Variants in EFCAB5 observed in about 807,000 individuals in gnomAD.
EFCAB5 encodes the protein EF-hand calcium-binding domain-containing protein 5.
EFCAB5 carries 131 observed loss-of-function variants against 167.9 expected under a neutral mutation model. That is an observed-to-expected ratio of 0.78 (90% CI 0.68 to 0.90). The LOEUF is 0.90. Ranked by LOEUF, EFCAB5 falls within the 40% of genes least tolerant of loss-of-function variation. EFCAB5 has a pLI of 0.00. For synonymous variants in EFCAB5, 574 were observed against 602.8 expected, an observed-to-expected ratio of 0.95 and a Z score of 0.70; for missense variants, 1,663 against 1,745.2, an observed-to-expected ratio of 0.95 and a Z score of 0.84.
At position 30,083,973 on chromosome 17, in the gene EFCAB5, T is replaced by C. The variant is rs1381461330; in HGVS notation, c.3579+930T>C. ...CTGTTTGCTTTGCTTCTTTATACTT[T>C]GTGTTAGGATTTTGCATATGATGAG... On this transcript the variant is annotated intron_variant, in intron 18 of 22. Coordinates refer to ENST00000394835, the MANE Select transcript of EFCAB5 (RefSeq NM_198529.4). Among the ~76,000 whole-genome samples the C allele has an allele frequency of 3.9e-5, 6 of 152,176 alleles. No homozygotes were observed. In the East Asian group the frequency reaches 9.6e-4, roughly 24 times the overall value.
At chr17:30,003,963 A>G (rs1192829429) in intron 7 of EFCAB5, among the ~76,000 whole-genome samples, 1 of 152,240 alleles carries the variant, frequency 6.6e-6, no homozygotes, top group Non-Finnish European at 1.5e-5. Flanking sequence ...AACTAGGGAA[A>G]TGAGGCATGC....
At position 30,090,640 on chromosome 17, in the gene EFCAB5, G is replaced by A. The variant is rs764994901; in HGVS notation, c.3903G>A (p.Glu1301=). Residue 1301 remains glutamate (E), a synonymous_variant, in exon 20 of 23, where the codon GAG becomes GAA. Coordinates refer to ENST00000394835, the MANE Select transcript of EFCAB5 (RefSeq NM_198529.4). ...VQVACYEILG[E]FSGEIKKKYI... is the part of the protein sequence containing the mutation. ...TGGCCTGCTATGAAATACTTGGCGA[G>A]TTCTCTGGAGAGATAAAGAAAAAAT... 3 of 1,613,242 alleles carry A rather than the reference G, an allele frequency of 1.9e-6. No individual in the cohort carries two copies. The highest frequency in any genetic ancestry group is 2.5e-6 in the Non-Finnish European group (3 of 1,179,730).
At chr17:30,040,860 T>C (rs1363557198) in intron 8 of EFCAB5, among the ~76,000 whole-genome samples, 14 of 152,246 alleles carry the variant, frequency 9.2e-5, no homozygotes, top group Non-Finnish European at 1.5e-5. Flanking sequence ...AGGTCTTAGC[T>C]CATAGCTTAT....
At chr17:30,102,607 G>A (rs1030962328) in intron 22 of EFCAB5, among the ~76,000 whole-genome samples, 5 of 151,732 alleles carry the variant, frequency 3.3e-5, no homozygotes, top group African/African-American at 9.7e-5. Context: ...AATTTCAGAC[G>A]TAGCAAAATT....
chr17:29,956,010 CA>C (rs1366506319), intron 3 of EFCAB5, among the ~76,000 whole-genome samples: 1 of 152,058 alleles, frequency 6.6e-6, no homozygotes, highest in African/African-American at 2.4e-5. Flanking sequence ...GAAATAAGGC[CA>C]CACACCTACA....
chr17:30,013,623 G>C (rs2068960066), intron 7 of EFCAB5, among the ~76,000 whole-genome samples: 1 of 152,174 alleles, frequency 6.6e-6, no homozygotes. Flanking sequence ...ATGGTAGTCT[G>C]TATTTCTGTG....
intron 7 of EFCAB5, among the ~76,000 whole-genome samples, chr17:30,026,902 ATCT>A (rs1165453144): frequency 1.4e-5 from 2 of 141,426 alleles, no homozygotes; most frequent in South Asian, 2.3e-4. Flanking sequence ...AGAAAATTTC[ATCT>A]TCTGCTTTTA....
upstream of EFCAB5, among the ~76,000 whole-genome samples, chr17:29,939,566 T>C (rs1006869576): frequency 2.0e-5 from 3 of 152,254 alleles, no homozygotes; most frequent in Non-Finnish European, 4.4e-5. Flanking sequence ...GCCACCTTCA[T>C]TGACGATCTT....
intron 14 of EFCAB5, chr17:30,068,596 A>T: frequency 7.8e-7 from 1 of 1,275,038 alleles, no homozygotes; most frequent in Non-Finnish European, 1.1e-6. Flanking sequence ...TGACATGGGC[A>T]GGTCCCTTGT....
chr17:29,996,447 A>G, intron 6 of EFCAB5, 87 bp downstream of exon 6: 1 of 1,170,120 alleles, frequency 8.5e-7, no homozygotes, highest in Admixed American at 2.4e-5. Flanking sequence ...TCAACATGAG[A>G]CAGATGTTAT....
intron 7 of EFCAB5, among the ~76,000 whole-genome samples, chr17:30,016,636 A>T (rs2069048779): frequency 6.6e-6 from 1 of 152,176 alleles, no homozygotes. Flanking sequence ...ATAAGTTCCA[A>T]AAGGTAGAAA....
rs910326377 is a variant in EFCAB5, at chr17:30,034,176, C to T, written c.1045-54C>T. 2.5e-6 allele frequency: 4 copies of T among 1,575,198 alleles called. No individual in the cohort carries two copies. The Admixed American group carries it at 7.1e-5, about 28-fold the overall frequency. ...CATTGGTTGAATCCTGGGGAAAATCCAAGTAGAGCATGGTTTTAAGTCAAT... is the reference window on the plus strand; with the variant it reads ...CATTGGTTGAATCCTGGGGAAAATCTAAGTAGAGCATGGTTTTAAGTCAAT... On this transcript the variant is annotated intron_variant, in intron 7 of 22. Transcript: ENST00000394835.
rs190007784 is a variant in EFCAB5, at chr17:30,064,219, T to A, written c.2737+4518T>A. On this transcript the variant is annotated intron_variant, in intron 14 of 22. Transcript: ENST00000394835. ...GGAAAGGAATTTAAAATAATGATCT[T>A]AAGGAAACTCAACAAGACAAGAAAA... 8.9e-4 allele frequency among the ~76,000 whole-genome samples: 135 copies of A among 152,268 alleles called. 1 individual carries two copies. Among genetic ancestry groups the A allele is most frequent in the African/African-American group, 2.9e-3 (121 of 41,550 alleles).
chr17:30,016,846 A>G (rs2069054033), intron 7 of EFCAB5, among the ~76,000 whole-genome samples: 1 of 152,166 alleles, frequency 6.6e-6, no homozygotes, highest in African/African-American at 2.4e-5. Flanking sequence ...TAAATGAGAT[A>G]GGATGAGGAA....
At chr17:29,946,135 G>GA (rs2067392093) in intron 3 of EFCAB5, among the ~76,000 whole-genome samples, 1 of 151,788 alleles carries the variant, frequency 6.6e-6, no homozygotes, top group South Asian at 2.1e-4. Context: ...TCAGCAAGAA[G>GA]AAAAAAATAA....
At chr17:29,933,918 G>C (rs1240695790) in intron 1 of EFCAB5, among the ~76,000 whole-genome samples, 1 of 152,016 alleles carries the variant, frequency 6.6e-6, no homozygotes, top group African/African-American at 2.4e-5. Context: ...CAGCACACTG[G>C]GATAAATTAA....
intron 4 of EFCAB5, among the ~76,000 whole-genome samples, chr17:29,990,283 T>C (rs1419091733): frequency 6.6e-6 from 1 of 152,206 alleles, no homozygotes; most frequent in African/African-American, 2.4e-5. Context: ...TTTAAATTTC[T>C]TTCTCTGAAT....
Position 29,999,974 on chromosome 17 carries a change from GAAGT to G in EFCAB5, c.1044+2_1044+5del. ...AAGATTGAACAAAATGGAATTTACA[GAAGT>G]AAGAGTTACATTATTTAATGTTTGA... On this transcript the variant is annotated splice_donor_variant and coding_sequence_variant, in exon 7 of 23. Transcript: ENST00000394835. LOFTEE classifies it high-confidence loss of function. The G allele has an allele frequency of 2.6e-6, 4 of 1,561,816 alleles. No homozygotes were observed. Among genetic ancestry groups the G allele is most frequent in the Non-Finnish European group, 2.6e-6 (3 of 1,149,840 alleles).
At chr17:30,025,002 T>A (rs2069279808) in intron 7 of EFCAB5, among the ~76,000 whole-genome samples, 1 of 151,806 alleles carries the variant, frequency 6.6e-6, no homozygotes, top group African/African-American at 2.4e-5. Flanking sequence ...TGAAACTGGA[T>A]CCCTTCCTTA....
Sources: allele counts gnomAD v4.1 joint callset (sites outside exome capture counted in the v4.1 genomes callset), GRCh38; gene constraint gnomAD v4.1.1; transcripts MANE v1.5; gene names NCBI Gene and HGNC (gene_info 2026-07-23, HGNC 2026-07-21).